MRPL15: variants seen among roughly 807,000 people sequenced by gnomAD.
MRPL15 encodes mitochondrial ribosomal protein L15.
In MRPL15, 24 loss-of-function variants were observed where a neutral mutation model predicts 28.0. The ratio of observed to expected loss-of-function variants is 0.86; its 90% CI spans 0.62 to 1.21. The LOEUF (loss-of-function observed/expected upper bound fraction) is 1.21. MRPL15 is among the 50% of genes most tolerant of loss of function. MRPL15 has a pLI of 0.00. For synonymous variants in MRPL15, 124 were observed against 137.0 expected, an observed-to-expected ratio of 0.90 and a Z score of 0.66; for missense variants, 343 against 372.4, an observed-to-expected ratio of 0.92 and a Z score of 0.65.
Position 54,148,280 on chromosome 8 carries a change from A to G in MRPL15, c.*561A>G, listed in dbSNP as rs1455187179. On this transcript the variant is annotated 3_prime_UTR_variant, in exon 5 of 5. Transcript: ENST00000260102. The stretch of plus-strand genomic sequence containing the variant: ...GTGACATTGAAGGTGAGAGAAACAA[A>G]AATTACAAATGAATTTATTTTCTCA... Among the ~76,000 whole-genome samples, 2 of 152,206 alleles carry G rather than the reference A, an allele frequency of 1.3e-5. No individual in the cohort carries two copies. The highest frequency in any genetic ancestry group is 4.8e-5 in the African/African-American group (2 of 41,446).
Position 54,135,294 on chromosome 8 carries a change from C to T in MRPL15, c.11C>T (p.Pro4Leu). The T allele has an allele frequency of 7.2e-7, 1 of 1,387,804 alleles. No individual in the cohort carries two copies. The highest frequency in any genetic ancestry group is 1.5e-5 in the African/African-American group (1 of 66,134). The allele number at this position is 1,387,804 out of a possible 1,614,324, so 86.0% of individuals were successfully genotyped here. Reference sequence around the variant, plus strand: ...TTGGATCTGCGGGTTATGGCCGGTCCCTTGCAGGGCGGTGGGGCCCGGGCC... The same window carrying T: ...TTGGATCTGCGGGTTATGGCCGGTCTCTTGCAGGGCGGTGGGGCCCGGGCC... MAG[P>L]LQGGGARALD... The change falls in exon 1 of 5, where the codon CCC becomes CTC. Residue 4 changes from proline to leucine, a missense_variant. Pro to Leu is a moderately conservative substitution (Grantham distance 98). Transcript: ENST00000260102.
intron 3 of MRPL15, among the ~76,000 whole-genome samples, chr8:54,140,051 A>G (rs1030577406): frequency 1.3e-5 from 2 of 152,216 alleles, no homozygotes; most frequent in Non-Finnish European, 2.9e-5. Flanking sequence ...TTTGAAATAC[A>G]TGAAAAATTA....
rs530023856 is a variant in MRPL15 at position 54,137,485 on chromosome 8, A to G, written c.429+52A>G. On this transcript the variant is annotated intron_variant, in intron 3 of 4. Coordinates refer to ENST00000260102, the MANE Select transcript of MRPL15 (RefSeq NM_014175.4). ...TTATATAGGAGGATTTTTTTTTTAG[A>G]CAGAGTCTTGCCCTGTTGCCTGAGC... is the stretch of plus-strand genomic sequence containing the variant. The G allele has an allele frequency of 2.6e-5, 41 of 1,553,098 alleles. 1 individual carries two copies. In the South Asian group the frequency reaches 4.0e-4, roughly 15 times the overall value.
intron 1 of MRPL15, among the ~76,000 whole-genome samples, chr8:54,135,613 C>T (rs1484828928): frequency 2.9e-5 from 4 of 137,450 alleles, no homozygotes; most frequent in Non-Finnish European, 6.2e-5. Flanking sequence ...GAGGCTTGCT[C>T]TGTCGCCCAG....
rs781545067 is a variant in MRPL15 at position 54,142,716 on chromosome 8, ACTAGCTATTGCTGC to A, written c.485_498del (p.Leu162HisfsTer2). On this transcript the variant is annotated frameshift_variant, in exon 4 of 5. Coordinates refer to ENST00000260102, the MANE Select transcript of MRPL15 (RefSeq NM_014175.4). LOFTEE classifies it high-confidence loss of function. ...ATATTGAAGTACAGTTGGCTTCAGA[ACTAGCTATTGCTGC>A]CATTGAAAAAAATGGTGGTGTTGTT... The A allele has an allele frequency of 2.8e-5, 45 of 1,614,066 alleles. No individual in the cohort carries two copies. The highest frequency in any genetic ancestry group is 3.3e-5 in the Non-Finnish European group (39 of 1,180,026).
intron 4 of MRPL15, among the ~76,000 whole-genome samples, chr8:54,144,249 T>G (rs924503561): frequency 3.3e-5 from 5 of 152,240 alleles, no homozygotes; most frequent in Non-Finnish European, 7.3e-5. Flanking sequence ...GTTGCAGAGA[T>G]GACAACCAAA....
chr8:54,135,612 T>C (rs532743705), intron 1 of MRPL15, among the ~76,000 whole-genome samples: 1 of 137,890 alleles, frequency 7.3e-6, no homozygotes, highest in African/African-American at 2.8e-5. Flanking sequence ...GGAGGCTTGC[T>C]CTGTCGCCCA....
intron 3 of MRPL15, among the ~76,000 whole-genome samples, chr8:54,137,837 C>T (rs989716064): frequency 3.3e-5 from 5 of 152,070 alleles, no homozygotes; most frequent in Non-Finnish European, 5.9e-5. Flanking sequence ...GTGTTTATAA[C>T]TGTTATGTAG....
Position 54,147,471 on chromosome 8 carries a change from A to G in MRPL15, c.643A>G (p.Thr215Ala). ...LPPEELVPYY[T>A]DAKNRGYLAD... ...ACCAGAAGAACTGGTACCATATTAC[A>G]CTGATGCAAAGAACCGTGGGTACCT... The change falls in exon 5 of 5, where the codon ACT (threonine) becomes GCT (alanine). Residue 215 changes from threonine to alanine, a missense_variant. By Grantham distance (58) the Thr-to-Ala change is moderately conservative (BLOSUM62 0). Transcript: ENST00000260102. 6.2e-7 allele frequency: 1 copy of G among 1,614,204 alleles called. No homozygotes were observed. The highest frequency in any genetic ancestry group is 1.3e-5 in the African/African-American group (1 of 75,056).
At chr8:54,145,757 A>G (rs1169724896) in intron 4 of MRPL15, among the ~76,000 whole-genome samples, 2 of 152,218 alleles carry the variant, frequency 1.3e-5, no homozygotes, top group Non-Finnish European at 2.9e-5. Flanking sequence ...AGCATGAGCC[A>G]TTGTGCCTGG....
intron 4 of MRPL15, among the ~76,000 whole-genome samples, chr8:54,144,209 TTTG>T (rs1405505555): frequency 6.6e-6 from 1 of 152,188 alleles, no homozygotes; most frequent in Non-Finnish European, 1.5e-5. Context: ...TCACTTAAAT[TTTG>T]TTGAATAAAT....
Position 54,147,403 on chromosome 8 carries a change from C to T in MRPL15, c.575C>T (p.Pro192Leu). 3.7e-6 allele frequency: 6 copies of T among 1,611,782 alleles called. No homozygotes were observed. The highest frequency in any genetic ancestry group is 5.1e-6 in the Non-Finnish European group (6 of 1,178,658). The change falls in exon 5 of 5, where the codon CCA becomes CTA. Residue 192 changes from proline to leucine, a missense_variant. Transcript: ENST00000260102. ...TTAGACATTGTATGCAAACCTGTTC[C>T]ATTCTTTCTTCGTGGACAACCCATT... ...RSLDIVCKPV[P>L]FFLRGQPIPK...
chr8:54,142,577 A>G (rs1810947697), intron 3 of MRPL15, 86 bp from the exon 4 acceptor site: 1 of 1,508,078 alleles, frequency 6.6e-7, no homozygotes, highest in East Asian at 2.3e-5. Flanking sequence ...TTTGGAGGGA[A>G]AAACACTGTC....
chr8:54,137,764 C>T (rs1401037654), intron 3 of MRPL15, among the ~76,000 whole-genome samples: 2 of 151,850 alleles, frequency 1.3e-5, no homozygotes, highest in Non-Finnish European at 2.9e-5. Flanking sequence ...ATGCCTGGCC[C>T]GTAGGAGATA....
chr8:54,138,385 C>A (rs997466660), intron 3 of MRPL15, among the ~76,000 whole-genome samples: 2 of 138,660 alleles, frequency 1.4e-5, no homozygotes, highest in Non-Finnish European at 3.0e-5. Flanking sequence ...GGCGCGATCT[C>A]AGCTCACTGC....
In MRPL15 at chr8:54,140,574, C is replaced by CTTTTTTTTTTTTTTTTTT. The variant is rs71551976; in HGVS notation, c.430-2072_430-2071insTTTTTTTTTTTTTTTTTT. On this transcript the variant is annotated intron_variant, in intron 3 of 4. Coordinates refer to ENST00000260102, the MANE Select transcript of MRPL15 (RefSeq NM_014175.4). ...CCGGCCTAGAACTACATTTTCTTTTCTTTTTTTTTTTTTTTTTGAGATGGA... is the reference window on the plus strand; with the variant it reads ...CCGGCCTAGAACTACATTTTCTTTTCTTTTTTTTTTTTTTTTTTTTTTTTTTTTTTTTTTTGAGATGGA... Among the ~76,000 whole-genome samples the CTTTTTTTTTTTTTTTTTT allele has an allele frequency of 1.3e-3, 129 of 99,582 alleles. 9 individuals carry two copies. Among genetic ancestry groups the CTTTTTTTTTTTTTTTTTT allele is most frequent in the East Asian group, 5.4e-3 (10 of 1,856 alleles). The allele number at this position is 99,582 out of a possible 152,430, so 65.3% of individuals were successfully genotyped here.
chr8:54,139,251 G>A (rs1174675702), intron 3 of MRPL15, among the ~76,000 whole-genome samples: 1 of 151,934 alleles, frequency 6.6e-6, no homozygotes, highest in East Asian at 1.9e-4. Context: ...CGCCTGCCTC[G>A]GCCTCCCAAA....
chr8:54,148,347 A>C lies in MRPL15; in HGVS notation c.*628A>C, dbSNP rs1036693256. 1.3e-5 allele frequency among the ~76,000 whole-genome samples: 2 copies of C among 152,206 alleles called. No homozygotes were observed. The highest frequency in any genetic ancestry group is 1.3e-4 in the Admixed American group (2 of 15,276). On this transcript the variant is annotated 3_prime_UTR_variant, in exon 5 of 5. Transcript: ENST00000260102. ...GTTACAGGCAGGCCTTTGTTCTTAG[A>C]GCTCCCAAGATGGTGGTGGCCACTC...
chr8:54,143,000 T>C (rs1460304692), intron 4 of MRPL15, among the ~76,000 whole-genome samples: 2 of 152,190 alleles, frequency 1.3e-5, no homozygotes, highest in African/African-American at 4.8e-5. Flanking sequence ...CCCTGAACTG[T>C]AGACCTGCAT....
Sources: gnomAD v4.1 joint callset for allele counts (sites outside exome capture counted in the v4.1 genomes callset) on GRCh38, gnomAD v4.1.1 for gene constraint, MANE v1.5 for transcripts, NCBI Gene and HGNC (gene_info 2026-07-23, HGNC 2026-07-21) for gene names.